USP34: variants seen among roughly 807,000 people sequenced by gnomAD.
USP34 encodes the protein ubiquitin specific peptidase 34.
A neutral mutation model predicts 460.3 loss-of-function variants in USP34; 70 were observed. The ratio of observed to expected loss-of-function variants is 0.15; its 90% CI spans 0.13 to 0.19. The LOEUF is 0.19. Ranked by LOEUF, USP34 falls within the 10% of genes least tolerant of loss-of-function variation. The pLI, the probability that USP34 is intolerant of heterozygous loss-of-function variation, is 1.00. For missense variants in USP34, 3,985 were observed against 4,236.2 expected (o/e 0.94, Z 1.65); for synonymous variants, 1,647 against 1,405.3 (o/e 1.17, Z -3.85).
At chr2:61,387,515 G>GTA (rs1294857104) in intron 5 of USP34, among the ~76,000 whole-genome samples, 1 of 144,528 alleles carries the variant, frequency 6.9e-6, no homozygotes, top group Non-Finnish European at 1.5e-5. Context: ...ATGTATGTAT[G>GTA]TATATATATT....
intron 78 of USP34, 67 bp downstream of exon 78, chr2:61,190,204 T>C: frequency 2.0e-6 from 3 of 1,516,642 alleles, no homozygotes; most frequent in Non-Finnish European, 1.8e-6. Flanking sequence ...TAAAATCATA[T>C]GAAGGCCACA....
intron 41 of USP34, 26 bp downstream of exon 41, chr2:61,278,139 A>C: frequency 6.2e-7 from 1 of 1,607,472 alleles, no homozygotes; most frequent in Non-Finnish European, 8.5e-7. Flanking sequence ...CATTTCATAG[A>C]AACATTTGAT....
At chr2:61,298,634 C>G (rs910161253) in intron 29 of USP34, among the ~76,000 whole-genome samples, 1 of 142,538 alleles carries the variant, frequency 7.0e-6, no homozygotes. Context: ...ACTAACGTAA[C>G]AGCCTATTAA....
chr2:61,340,263 A>G (rs192877680), intron 16 of USP34, among the ~76,000 whole-genome samples: 168 of 152,318 alleles, frequency 1.1e-3, no homozygotes, highest in Non-Finnish European at 1.3e-3. Context: ...ATTCAAATTA[A>G]AAGACTCTTT....
At chr2:61,401,848 G>A (rs369495548) in intron 3 of USP34, among the ~76,000 whole-genome samples, 1 of 149,840 alleles carries the variant, frequency 6.7e-6, no homozygotes. Flanking sequence ...ATGAGCCACC[G>A]CGCCCGGCCC....
intron 27 of USP34, among the ~76,000 whole-genome samples, chr2:61,303,198 C>T (rs1484168770): frequency 6.6e-6 from 1 of 151,972 alleles, no homozygotes; most frequent in Non-Finnish European, 1.5e-5. Flanking sequence ...TCCTGAATAG[C>T]TGGGACTACA....
At chr2:61,384,018 C>T (rs1408780559) in intron 5 of USP34, among the ~76,000 whole-genome samples, 5 of 151,966 alleles carry the variant, frequency 3.3e-5, no homozygotes, top group Non-Finnish European at 5.9e-5. Flanking sequence ...TTTAATAAAC[C>T]GTATTAGTTT....
At chr2:61,307,028 T>G (rs972365700) in intron 27 of USP34, among the ~76,000 whole-genome samples, 2 of 152,112 alleles carry the variant, frequency 1.3e-5, no homozygotes, top group African/African-American at 2.4e-5. Flanking sequence ...ATGTTTATTG[T>G]GGCACTATTC....
chr2:61,354,355 G>C (rs1692043023), intron 10 of USP34, among the ~76,000 whole-genome samples: 1 of 152,138 alleles, frequency 6.6e-6, no homozygotes, highest in African/African-American at 2.4e-5. Context: ...ATATTCAAGG[G>C]GCTAAAAGAA....
intron 1 of USP34, among the ~76,000 whole-genome samples, chr2:61,431,858 AAAAT>A (rs1694685759): frequency 6.6e-6 from 1 of 152,080 alleles, no homozygotes; most frequent in Non-Finnish European, 1.5e-5. Context: ...CCATCTCAAA[AAAAT>A]AAATAAATAA....
intron 41 of USP34, among the ~76,000 whole-genome samples, chr2:61,268,023 G>C (rs1285701778): frequency 6.6e-6 from 1 of 152,084 alleles, no homozygotes; most frequent in African/African-American, 2.4e-5. Context: ...CAAAGTGCTG[G>C]GATTACAGAT....
chr2:61,248,396 C>A, intron 49 of USP34, 115 bp downstream of exon 49: 1 of 1,040,188 alleles, frequency 9.6e-7, no homozygotes, highest in South Asian at 1.9e-5. Flanking sequence ...AACCTTCTCC[C>A]TTCTAAGATT....
At chr2:61,445,897 G>A (rs1695100946) in intron 1 of USP34, among the ~76,000 whole-genome samples, 1 of 151,632 alleles carries the variant, frequency 6.6e-6, no homozygotes, top group Admixed American at 6.6e-5. Flanking sequence ...GCAGTGAGCT[G>A]CGATCGTGCC....
At chr2:61,190,699 A>G in intron 76 of USP34, 41 bp from the exon 77 acceptor site, 1 of 1,570,584 alleles carries the variant, frequency 6.4e-7, no homozygotes, top group Non-Finnish European at 8.6e-7. Flanking sequence ...ACGGTTGAGC[A>G]CGGAAAAAAC....
At chr2:61,312,770 G>A (rs1029529758) in intron 25 of USP34, among the ~76,000 whole-genome samples, 2 of 152,168 alleles carry the variant, frequency 1.3e-5, no homozygotes, top group Non-Finnish European at 2.9e-5. Flanking sequence ...CTCATGCTCT[G>A]ATGTTCAGCA....
At chr2:61,324,755 T>C (rs1319254452) in intron 21 of USP34, among the ~76,000 whole-genome samples, 1 of 151,986 alleles carries the variant, frequency 6.6e-6, no homozygotes, top group Non-Finnish European at 1.5e-5. Flanking sequence ...TGGGAGACAG[T>C]GTGAGACCAT....
At chr2:61,406,943 G>C (rs560504390) in intron 2 of USP34, among the ~76,000 whole-genome samples, 1 of 152,164 alleles carries the variant, frequency 6.6e-6, no homozygotes, top group Admixed American at 6.5e-5. Flanking sequence ...CCGGGAGGCG[G>C]AGGCTGTAGT....
rs559098946 is a variant in USP34, at chr2:61,458,925, G to A, written c.43+11725C>T. ...TACTAAATTTACAAAAATGAGCCGGGCACAGTGGTGGGCGCCTACAATCCC... is the reference window on the plus strand; with the variant it reads ...TACTAAATTTACAAAAATGAGCCGGACACAGTGGTGGGCGCCTACAATCCC... On this transcript the variant is annotated intron_variant, in intron 1 of 79. Coordinates refer to ENST00000398571, the MANE Select transcript of USP34 (RefSeq NM_014709.4). Among the ~76,000 whole-genome samples, 9 of 152,234 alleles carry A rather than the reference G, an allele frequency of 5.9e-5. No individual in the cohort carries two copies. In the East Asian group the frequency reaches 1.7e-3, roughly 29 times the overall value.
At position 61,192,977 on chromosome 2, in the gene USP34, A is replaced by G; in HGVS notation, c.9512T>C (p.Val3171Ala). Reference protein sequence around the residue: ...KFTETLVKLSVLVAYEGLPLH... With the variant: ...KFTETLVKLSALVAYEGLPLH... ...TGGCAAACCTTCATAGGCAACTAGG[A>G]CACCTAATATTTGAAAAGAAATCAG... Residue 3171 changes from valine (V) to alanine (A), a missense_variant, in exon 76 of 80, where the codon GTC becomes GCC. Transcript: ENST00000398571. 1 of 1,613,122 alleles carries G rather than the reference A, an allele frequency of 6.2e-7. No individual in the cohort carries two copies. The highest frequency in any genetic ancestry group is 8.5e-7 in the Non-Finnish European group (1 of 1,179,310).
Sources: gnomAD v4.1 joint callset for allele counts (sites outside exome capture counted in the v4.1 genomes callset) on GRCh38, gnomAD v4.1.1 for gene constraint, MANE v1.5 for transcripts, NCBI Gene and HGNC (gene_info 2026-07-23, HGNC 2026-07-21) for gene names.